PYGB: variants seen among roughly 807,000 people sequenced by gnomAD.
The protein encoded by PYGB is glycogen phosphorylase, brain form.
PYGB carries 82 observed loss-of-function variants against 94.3 expected under a neutral mutation model. The observed-to-expected ratio is 0.87, with a 90% CI of 0.73 to 1.04. PYGB has a LOEUF of 1.04. PYGB is among the 50% of genes least tolerant of loss of function. The pLI is 0.00. For synonymous variants in PYGB, 488 were observed against 479.1 expected (o/e 1.02, Z -0.24); for missense variants, 1,132 against 1,158.2 (o/e 0.98, Z 0.33).
At chr20:25,271,810 A>C (rs2088270873) in intron 4 of PYGB, among the ~76,000 whole-genome samples, 1 of 152,104 alleles carries the variant, frequency 6.6e-6, no homozygotes, top group Admixed American at 6.5e-5. Flanking sequence ...AGTGAGGGTC[A>C]CTCTGGTGAC....
intron 9 of PYGB, among the ~76,000 whole-genome samples, chr20:25,279,913 C>T (rs571684837): frequency 7.0e-4 from 107 of 152,310 alleles, no homozygotes; most frequent in Middle Eastern, 3.4e-3. Context: ...CCATGTCTGG[C>T]CACTTTAGTG....
At chr20:25,281,438 TGG>T (rs2088366360) in intron 11 of PYGB, among the ~76,000 whole-genome samples, 1 of 152,244 alleles carries the variant, frequency 6.6e-6, no homozygotes, top group Non-Finnish European at 1.5e-5. Flanking sequence ...CACCTGCCGC[TGG>T]CAGGGCTTGG....
chr20:25,251,687 C>A (rs552713110), intron 1 of PYGB, among the ~76,000 whole-genome samples: 7 of 152,178 alleles, frequency 4.6e-5, no homozygotes, highest in African/African-American at 1.4e-4. Context: ...AGGACAGTTG[C>A]ACGGTTTATT....
intron 18 of PYGB, chr20:25,294,894 C>G: frequency 6.6e-7 from 1 of 1,511,690 alleles, no homozygotes; most frequent in East Asian, 2.3e-5. Context: ...ATTCACCTGC[C>G]CTCCACTTTC....
At position 25,290,589 on chromosome 20, in the gene PYGB, C is replaced by T. The variant is rs2088457832; in HGVS notation, c.1936C>T (p.Leu646=). ...GGGTGACAGGTTGAAAGTGATCTTC[C>T]TGGAGAACTACCGTGTGTCCTTGGC... is the stretch of plus-strand genomic sequence containing the variant. ...VVGDRLKVIF[L]ENYRVSLAEK... The change falls in exon 16 of 20, where the codon CTG becomes TTG. Residue 646 remains leucine, a synonymous_variant. Coordinates refer to ENST00000216962, the MANE Select transcript of PYGB (RefSeq NM_002862.4). 6.2e-7 allele frequency: 1 copy of T among 1,608,646 alleles called. No individual in the cohort carries two copies. Among genetic ancestry groups the T allele is most frequent in the Non-Finnish European group, 8.5e-7 (1 of 1,175,398 alleles).
chr20:25,281,274 A>G (rs2088364843), intron 11 of PYGB, among the ~76,000 whole-genome samples, 162 bp downstream of exon 11: 1 of 152,234 alleles, frequency 6.6e-6, no homozygotes. Flanking sequence ...ACACCCTGTC[A>G]GGGTCACGCC....
chr20:25,267,655 C>T (rs967275342), intron 2 of PYGB, among the ~76,000 whole-genome samples: 2 of 152,140 alleles, frequency 1.3e-5, no homozygotes, highest in South Asian at 2.1e-4. Context: ...CTCAGCCTCC[C>T]GAGTAGCTGG....
intron 16 of PYGB, among the ~76,000 whole-genome samples, chr20:25,292,201 C>T (rs2088473651): frequency 1.3e-5 from 2 of 152,208 alleles, no homozygotes; most frequent in Non-Finnish European, 2.9e-5. Flanking sequence ...ATGCCCCAGT[C>T]ACGAAGGGGA....
At chr20:25,280,816 A>C (rs2088359353) in intron 10 of PYGB, 133 bp from the exon 11 acceptor site, 1 of 1,216,120 alleles carries the variant, frequency 8.2e-7, no homozygotes, top group East Asian at 2.4e-5. Flanking sequence ...TCTGGCTGTC[A>C]CAGCCCCAGA....
chr20:25,262,673 A>AGT (rs2092916261), intron 2 of PYGB, among the ~76,000 whole-genome samples: 1 of 150,716 alleles, frequency 6.6e-6, no homozygotes, highest in African/African-American at 2.5e-5. Context: ...TTTTGACTTG[A>AGT]CTGGATAAAG....
At chr20:25,282,345 TC>T (rs2088376002) in intron 12 of PYGB, among the ~76,000 whole-genome samples, 198 bp downstream of exon 12, 1 of 152,090 alleles carries the variant, frequency 6.6e-6, no homozygotes, top group South Asian at 2.1e-4. Context: ...GCCTGGCGGG[TC>T]CTGTGTGCGA....
intron 6 of PYGB, 72 bp downstream of exon 6, chr20:25,276,829 T>G: frequency 7.2e-7 from 1 of 1,384,806 alleles, no homozygotes; most frequent in Non-Finnish European, 1.0e-6. Flanking sequence ...GCCCACAGCC[T>G]TTACCGCGCC....
In PYGB at chr20:25,278,384, C is replaced by T. The variant is rs2088333873; in HGVS notation, c.921C>T (p.Asp307=). The change falls in exon 8 of 20, where the codon GAC becomes GAT. Residue 307 remains aspartate, a synonymous_variant. Transcript: ENST00000216962. ...EYFVVAATLQ[D]IIRRFKSSKF... ...TCGTGGTGGCCGCCACGCTCCAGGA[C>T]ATCATCCGCCGCTTCAAGTCGTCCA... is the stretch of plus-strand genomic sequence containing the variant. 6.2e-7 allele frequency: 1 copy of T among 1,604,796 alleles called. No individual in the cohort carries two copies. The highest frequency in any genetic ancestry group is 8.5e-7 in the Non-Finnish European group (1 of 1,177,182).
intron 1 of PYGB, among the ~76,000 whole-genome samples, chr20:25,251,957 G>A (rs2092889228): frequency 6.6e-6 from 1 of 152,240 alleles, no homozygotes; most frequent in African/African-American, 2.4e-5. Context: ...CTAGAGAAGT[G>A]TTTTGCAGAC....
At chr20:25,263,170 T>C (rs2092917432) in intron 2 of PYGB, among the ~76,000 whole-genome samples, 1 of 152,224 alleles carries the variant, frequency 6.6e-6, no homozygotes, top group Admixed American at 6.5e-5. Flanking sequence ...TACATTCTTC[T>C]CAGCACCACA....
rs147200532 is a variant in PYGB at position 25,296,098 on chromosome 20, A to G, written c.2380-272A>G. Among the ~76,000 whole-genome samples, 216 of 152,116 alleles carry G rather than the reference A, an allele frequency of 1.4e-3. 1 individual carries two copies. Among genetic ancestry groups the G allele is most frequent in the African/African-American group, 4.7e-3 (194 of 41,510 alleles). On this transcript the variant is annotated intron_variant, in intron 19 of 19. Coordinates refer to ENST00000216962, the MANE Select transcript of PYGB (RefSeq NM_002862.4). Reference sequence around the variant, plus strand: ...GCAGTTCTTACCTGGTGCTATCCCTATCGTCGTCCTGGGGGCCATGCCCTA... The same window carrying G: ...GCAGTTCTTACCTGGTGCTATCCCTGTCGTCGTCCTGGGGGCCATGCCCTA...
intron 15 of PYGB, among the ~76,000 whole-genome samples, chr20:25,289,367 T>C (rs2257988): frequency 0.45 from 68,521 of 152,134 alleles, 16,055 homozygotes; most frequent in East Asian, 0.92. Context: ...AATTTTAGGC[T>C]GGGCACGGTG....
chr20:25,282,020 TC>T lies in PYGB; in HGVS notation c.1404-12del. The T allele has an allele frequency of 6.3e-7, 1 of 1,591,972 alleles. No individual in the cohort carries two copies. Among genetic ancestry groups the T allele is most frequent in the Non-Finnish European group, 8.6e-7 (1 of 1,159,912 alleles). ...CAGCATTTGTGACAGTTCCCTGTTC[TC>T]TGTGTTTGCAGCTTTAAGGATTTTT... is the stretch of plus-strand genomic sequence containing the variant. On this transcript the variant is annotated splice_polypyrimidine_tract_variant and intron_variant, in intron 11 of 19. Coordinates refer to ENST00000216962, the MANE Select transcript of PYGB (RefSeq NM_002862.4).
intron 16 of PYGB, among the ~76,000 whole-genome samples, chr20:25,291,773 G>A (rs1156330319): frequency 2.0e-5 from 3 of 152,078 alleles, no homozygotes; most frequent in Non-Finnish European, 4.4e-5. Context: ...CTGGCGTCAG[G>A]GCCCCGTTCT....
Sources: allele counts gnomAD v4.1 joint callset (sites outside exome capture counted in the v4.1 genomes callset), GRCh38; gene constraint gnomAD v4.1.1; transcripts MANE v1.5; gene names NCBI Gene and HGNC (gene_info 2026-07-23, HGNC 2026-07-21).